Variants in CENPX observed in about 807,000 individuals in gnomAD.
The protein encoded by CENPX is FANCM associated histone fold protein 2.
A neutral mutation model predicts 13.2 loss-of-function variants in CENPX; 13 were observed. That is an observed-to-expected ratio of 0.98 (90% CI 0.64 to 1.56). The LOEUF (loss-of-function observed/expected upper bound fraction) is 1.56, where lower values mean the gene tolerates loss of function less well. Among genes scored for constraint, CENPX ranks in the 40% most tolerant of loss-of-function variants. The pLI is 0.00. For synonymous variants in CENPX, 66 were observed against 47.2 expected, an observed-to-expected ratio of 1.40 and a Z score of -1.63; for missense variants, 138 against 107.5, an observed-to-expected ratio of 1.28 and a Z score of -1.26.
At chr17:82,022,440 C>G (rs2043304638) in intron 1 of CENPX, among the ~76,000 whole-genome samples, 1 of 152,232 alleles carries the variant, frequency 6.6e-6, no homozygotes, top group South Asian at 2.1e-4. Context: ...GCTCCTCGGG[C>G]TGGACGATCT....
At chr17:82,019,470 C>G (rs981119394) in intron 3 of CENPX, 89 bp from the exon 4 acceptor site, 5 of 1,510,304 alleles carry the variant, frequency 3.3e-6, no homozygotes, top group African/African-American at 1.4e-5. Flanking sequence ...GGTGCCCCCC[C>G]CAACACCCAC....
chr17:82,020,210 G>C (rs1453834574), intron 1 of CENPX, among the ~76,000 whole-genome samples: 5 of 151,702 alleles, frequency 3.3e-5, no homozygotes, highest in Non-Finnish European at 1.5e-5. Flanking sequence ...GCTCCAGGGA[G>C]AGAGTGGAGA....
rs1376012153 is a variant in CENPX at position 82,019,168 on chromosome 17, G to A, written c.*37C>T. On this transcript the variant is annotated 3_prime_UTR_variant, in exon 5 of 5. Coordinates refer to ENST00000392359, the MANE Select transcript of CENPX (RefSeq NM_001271006.2). ...CAAGGCCTGCTTCTGTGGACCAGGGGCTCCTCTGGGGGTGGCCTCAGCCAC... is the reference window on the plus strand; with the variant it reads ...CAAGGCCTGCTTCTGTGGACCAGGGACTCCTCTGGGGGTGGCCTCAGCCAC... 20 of 1,523,710 alleles carry A rather than the reference G, an allele frequency of 1.3e-5. No individual in the cohort carries two copies. Among genetic ancestry groups the A allele is most frequent in the Non-Finnish European group, 1.5e-5 (17 of 1,134,086 alleles). The allele number at this position is 1,523,710 out of a possible 1,614,324, so 94.4% of individuals were successfully genotyped here. A position where few individuals can be genotyped will look rare whatever the true frequency, so the allele number is the denominator to read the frequency against.
chr17:82,019,824 G>T, intron 2 of CENPX, 34 bp downstream of exon 2: 1 of 1,598,748 alleles, frequency 6.3e-7, no homozygotes, highest in South Asian at 1.1e-5. Flanking sequence ...GACAGACACG[G>T]GGACCCACCT....
chr17:82,021,581 T>G (rs1482562204), intron 1 of CENPX, among the ~76,000 whole-genome samples: 2 of 150,966 alleles, frequency 1.3e-5, no homozygotes, highest in South Asian at 2.1e-4. Flanking sequence ...CTTTGCCCCA[T>G]GACGTGGGCG....
In CENPX at chr17:82,022,839, G is replaced by A. The variant is rs1174639821; in HGVS notation, c.23C>T (p.Ser8Phe). MEGAGAG[S>F]GFRKELVSRL... is the part of the protein sequence containing the mutation. ...TCCGGCCCTCACCTTCCGGAAGCCGGATCCAGCTCCTGCTCCCTCCATGAC... is the reference window on the plus strand; with the variant it reads ...TCCGGCCCTCACCTTCCGGAAGCCGAATCCAGCTCCTGCTCCCTCCATGAC... The change falls in exon 1 of 5, where the codon TCC becomes TTC. Residue 8 changes from serine to phenylalanine, a missense_variant. Ser to Phe is a radical substitution (Grantham distance 155). Transcript: ENST00000392359. 3.1e-6 allele frequency: 5 copies of A among 1,592,818 alleles called. No individual in the cohort carries two copies. In the African/African-American group the frequency reaches 4.0e-5, roughly 13 times the overall value.
chr17:82,018,792 C>T lies in CENPX; in HGVS notation c.*413G>A, dbSNP rs1269033621. ...ATCTTCCAAGGGGAATATCGCATGG[C>T]TGGAAAGGTCACACGCCAGCTTTGA... On this transcript the variant is annotated 3_prime_UTR_variant, in exon 5 of 5. Transcript: ENST00000392359. 1 of 290,552 alleles carries T rather than the reference C, an allele frequency of 3.4e-6. No individual in the cohort carries two copies. Among genetic ancestry groups the T allele is most frequent in the African/African-American group, 2.1e-5 (1 of 46,994 alleles). The allele number at this position is 290,552 out of a possible 1,614,324, so 18.0% of individuals were successfully genotyped here.
At chr17:82,022,000 C>T (rs1267874558) in intron 1 of CENPX, among the ~76,000 whole-genome samples, 2 of 152,172 alleles carry the variant, frequency 1.3e-5, no homozygotes, top group African/African-American at 4.8e-5. Context: ...GATGGGTTCA[C>T]AAGGGCCTGA....
At position 82,018,944 on chromosome 17, in the gene CENPX, T is replaced by C. The variant is rs368178432; in HGVS notation, c.*261A>G. 2.3e-6 allele frequency: 1 copy of C among 428,716 alleles called. No individual in the cohort carries two copies. 26.6% of individuals were successfully genotyped at this position (428,716 alleles called of 1,614,324 possible). A position where few individuals can be genotyped will look rare whatever the true frequency, so the allele number is the denominator to read the frequency against. On this transcript the variant is annotated 3_prime_UTR_variant, in exon 5 of 5. Transcript: ENST00000392359. ...AGGACCCCGGGTGGCATGCACACTATTGTCCCAGGGAGGAGAGGCAGGGAC... is the reference window on the plus strand; with the variant it reads ...AGGACCCCGGGTGGCATGCACACTACTGTCCCAGGGAGGAGAGGCAGGGAC...
rs187920165 is a variant in CENPX at position 82,019,595 on chromosome 17, A to G, written c.142+46T>C. On this transcript the variant is annotated intron_variant, in intron 3 of 4. Coordinates refer to ENST00000392359, the MANE Select transcript of CENPX (RefSeq NM_001271006.2). ...TTGGTTTTCCCGCTGGAAAAACGCA[A>G]AATTCCGGATGCTGTGCCCGGAGGG... is the stretch of plus-strand genomic sequence containing the variant. The G allele has an allele frequency of 2.4e-4, 372 of 1,549,980 alleles. 2 individuals are homozygous for G. In the East Asian group the frequency reaches 2.8e-3, roughly 12 times the overall value.
intron 1 of CENPX, among the ~76,000 whole-genome samples, chr17:82,021,353 AG>A (rs1215803857): frequency 6.6e-6 from 1 of 152,224 alleles, no homozygotes; most frequent in African/African-American, 2.4e-5. Flanking sequence ...CAGCAGTACC[AG>A]AAAGGCACCA....
rs576460402 is a variant in CENPX, at chr17:82,019,624, G to A, written c.142+17C>T. ...TCCGGATGCTGTGCCCGGAGGGAGC[G>A]TGGGCCCTGGGCTCACCCACAACGA... On this transcript the variant is annotated intron_variant, in intron 3 of 4. Transcript: ENST00000392359. 23 of 1,550,228 alleles carry A rather than the reference G, an allele frequency of 1.5e-5. No homozygotes were observed. Among genetic ancestry groups the A allele is most frequent in the African/African-American group, 1.1e-4 (8 of 73,162 alleles).
chr17:82,022,731 G>A (rs1205580254), intron 1 of CENPX, 95 bp downstream of exon 1: 3 of 1,417,836 alleles, frequency 2.1e-6, no homozygotes, highest in Non-Finnish European at 1.9e-6. Context: ...GGCACAGGGG[G>A]CGGCGCGGGG....
chr17:82,022,680 C>T (rs1247854777), intron 1 of CENPX, 146 bp downstream of exon 1: 3 of 963,176 alleles, frequency 3.1e-6, no homozygotes, highest in Middle Eastern at 3.2e-4. Flanking sequence ...GGGCGCGCGG[C>T]CCGGCCGGAG....
chr17:82,019,425 T>C (rs2043234535), intron 3 of CENPX, 44 bp from the exon 4 acceptor site: 2 of 1,525,952 alleles, frequency 1.3e-6, no homozygotes, highest in East Asian at 2.5e-5. Flanking sequence ...GGGGGGATCT[T>C]AAACCCGAGC....
At chr17:82,020,160 G>A (rs942666331) in intron 1 of CENPX, among the ~76,000 whole-genome samples, 6 of 152,226 alleles carry the variant, frequency 3.9e-5, no homozygotes, top group African/African-American at 9.6e-5. Flanking sequence ...TCCCTACGGC[G>A]TGAGTGGTCG....
At chr17:82,021,890 C>T (rs1266919933) in intron 1 of CENPX, among the ~76,000 whole-genome samples, 1 of 152,232 alleles carries the variant, frequency 6.6e-6, no homozygotes, top group Non-Finnish European at 1.5e-5. Context: ...CACCGACACC[C>T]CCCGCCCCCC....
Position 82,019,041 on chromosome 17 carries a change from C to T in CENPX, c.*164G>A, listed in dbSNP as rs1323141741. 3.7e-6 allele frequency: 4 copies of T among 1,087,570 alleles called. No homozygotes were observed. Among genetic ancestry groups the T allele is most frequent in the African/African-American group, 1.6e-5 (1 of 62,816 alleles). 67.4% of individuals were successfully genotyped at this position (1,087,570 alleles called of 1,614,324 possible). ...CCAAGGCCCGCAGTGCACTGCAGTCCTGCCCCTTCTGCACAGGCTGGAGAC... is the reference window on the plus strand; with the variant it reads ...CCAAGGCCCGCAGTGCACTGCAGTCTTGCCCCTTCTGCACAGGCTGGAGAC... On this transcript the variant is annotated 3_prime_UTR_variant, in exon 5 of 5. Coordinates refer to ENST00000392359, the MANE Select transcript of CENPX (RefSeq NM_001271006.2).
At chr17:82,020,878 G>A (rs2043269200) in intron 1 of CENPX, among the ~76,000 whole-genome samples, 1 of 152,238 alleles carries the variant, frequency 6.6e-6, no homozygotes, top group East Asian at 1.9e-4. Context: ...GGTGGCAGCT[G>A]CAGTGGTGGC....
Sources: gnomAD v4.1 joint callset for allele counts (sites outside exome capture counted in the v4.1 genomes callset) on GRCh38, gnomAD v4.1.1 for gene constraint, MANE v1.5 for transcripts, NCBI Gene and HGNC (gene_info 2026-07-23, HGNC 2026-07-21) for gene names.